KLF12: variants seen among roughly 807,000 people sequenced by gnomAD.
KLF12 encodes KLF transcription factor 12.
A neutral mutation model predicts 37.8 loss-of-function variants in KLF12; 9 were observed. That is an observed-to-expected ratio of 0.24 (90% confidence interval 0.14 to 0.42). The LOEUF (loss-of-function observed/expected upper bound fraction) is 0.42, where lower values mean the gene tolerates loss of function less well. KLF12 is among the 10% of genes least tolerant of loss of function. The pLI is 1.00. For synonymous variants in KLF12, 208 were observed against 202.1 expected, an observed-to-expected ratio of 1.03 and a Z score of -0.25; for missense variants, 411 against 516.0, an observed-to-expected ratio of 0.80 and a Z score of 1.97.
chr13:73,755,986 CT>C (rs1424878390), intron 6 of KLF12, among the ~76,000 whole-genome samples: 1 of 152,068 alleles, frequency 6.6e-6, no homozygotes, highest in African/African-American at 2.4e-5. Context: ...ACCACATTTT[CT>C]TTATCCGCTT....
chr13:73,884,398 G>A (rs1448651236), intron 3 of KLF12, among the ~76,000 whole-genome samples: 1 of 152,156 alleles, frequency 6.6e-6, no homozygotes, highest in East Asian at 1.9e-4. Flanking sequence ...TCTCCCATAG[G>A]TGTCACTACA....
At chr13:74,250,102 A>G in the KLF12 span, among the ~76,000 whole-genome samples, 2 of 152,174 alleles carry the variant, frequency 1.3e-5, no homozygotes, top group Non-Finnish European at 2.9e-5. Context: ...TCAAGACACA[A>G]CAAAAGGGCC....
In KLF12 at chr13:73,997,639, G is replaced by T. The variant is rs1408674; in HGVS notation, c.-31-2586C>A. ...AACAGTTAATAGCTCATCAATTTCCGAATTAAATTTACTTAGCTCTGCCAA... is the reference window on the plus strand; with the variant it reads ...AACAGTTAATAGCTCATCAATTTCCTAATTAAATTTACTTAGCTCTGCCAA... On this transcript the variant is annotated intron_variant, in intron 1 of 7. Transcript: ENST00000377669. Among the ~76,000 whole-genome samples, 9 of 152,064 alleles carry T rather than the reference G, an allele frequency of 5.9e-5. 1 individual carries two copies. In the Middle Eastern group the frequency reaches 0.014, roughly 230 times the overall value.
intron 6 of KLF12, among the ~76,000 whole-genome samples, chr13:73,725,833 GTATTTATTTATTTATTTATT>G (rs71919762): frequency 5.2e-4 from 74 of 142,252 alleles, no homozygotes; most frequent in South Asian, 9.3e-4. Context: ...ATTTCAAAAT[GTATTTATTTATTTATTTATT>G]TATTTATTTA....
At chr13:73,968,469 C>T (rs1195167794) in intron 2 of KLF12, among the ~76,000 whole-genome samples, 1 of 152,044 alleles carries the variant, frequency 6.6e-6, no homozygotes, top group Non-Finnish European at 1.5e-5. Flanking sequence ...ACCTAATATT[C>T]TCAAGGCAAA....
At chr13:74,229,437 C>T in the KLF12 span, among the ~76,000 whole-genome samples, 3 of 152,182 alleles carry the variant, frequency 2.0e-5, no homozygotes, top group Admixed American at 2.0e-4. Flanking sequence ...CAATTCTGTA[C>T]TTTCCTCAGC....
intron 3 of KLF12, among the ~76,000 whole-genome samples, chr13:73,919,996 G>A (rs1889038366): frequency 2.0e-5 from 3 of 152,262 alleles, no homozygotes; most frequent in Admixed American, 2.0e-4. Context: ...TCCACTGAGA[G>A]AATTTGCTGT....
At chr13:74,041,236 C>T (rs1893394339) in intron 1 of KLF12, among the ~76,000 whole-genome samples, 1 of 152,142 alleles carries the variant, frequency 6.6e-6, no homozygotes, top group Admixed American at 6.5e-5. Context: ...AAAGCATGCC[C>T]ATATTATCTA....
Position 73,687,219 on chromosome 13 carries a change from A to G in KLF12, c.*8271T>C, listed in dbSNP as rs1484653471. The stretch of plus-strand genomic sequence containing the variant: ...ATTATGATGCAGGATGACATAATAC[A>G]TAAGACGATGTTTTCAAGCTGGTTT... On this transcript the variant is annotated 3_prime_UTR_variant, in exon 8 of 8. Transcript: ENST00000377669. 1 of 152,670 alleles carries G rather than the reference A, an allele frequency of 6.6e-6. No individual in the cohort carries two copies. The highest frequency in any genetic ancestry group is 1.5e-5 in the Non-Finnish European group (1 of 68,038). The allele number at this position is 152,670 out of a possible 1,614,324, so 9.5% of individuals were successfully genotyped here. A position where few individuals can be genotyped will look rare whatever the true frequency, so the allele number is the denominator to read the frequency against.
intron 4 of KLF12, among the ~76,000 whole-genome samples, chr13:73,816,689 T>C (rs1451844032): frequency 6.6e-6 from 1 of 152,248 alleles, no homozygotes; most frequent in Non-Finnish European, 1.5e-5. Context: ...TGGGCTTGGC[T>C]CTAAGACTTG....
the KLF12 span, among the ~76,000 whole-genome samples, chr13:74,232,890 T>C: frequency 7.1e-6 from 1 of 140,840 alleles, no homozygotes; most frequent in East Asian, 2.0e-4. Context: ...TATTTATTAT[T>C]ATTATTATTT....
intron 2 of KLF12, among the ~76,000 whole-genome samples, chr13:73,944,849 CAGGA>C (rs1312573928): frequency 6.6e-6 from 1 of 152,116 alleles, no homozygotes; most frequent in African/African-American, 2.4e-5. Flanking sequence ...GTCAGCAACC[CAGGA>C]AGGGAGTCAG....
intron 3 of KLF12, among the ~76,000 whole-genome samples, chr13:73,866,930 A>G (rs1428653169): frequency 6.6e-6 from 1 of 152,110 alleles, no homozygotes; most frequent in African/African-American, 2.4e-5. Context: ...AGATCTCTGC[A>G]TTGTCTAGAA....
intron 7 of KLF12, among the ~76,000 whole-genome samples, chr13:73,698,742 A>C (rs942671218): frequency 1.3e-5 from 2 of 152,194 alleles, no homozygotes; most frequent in Non-Finnish European, 2.9e-5. Context: ...TGCAACATAT[A>C]ATGTATGGCC....
chr13:74,106,971 T>C (rs1365676125), intron 1 of KLF12, among the ~76,000 whole-genome samples: 1 of 152,082 alleles, frequency 6.6e-6, no homozygotes, highest in Non-Finnish European at 1.5e-5. Context: ...CTTAGACTGG[T>C]TAATCTATAA....
intron 7 of KLF12, among the ~76,000 whole-genome samples, chr13:73,704,920 T>C (rs954289158): frequency 6.6e-6 from 1 of 152,198 alleles, no homozygotes; most frequent in Admixed American, 6.5e-5. Flanking sequence ...CTTTTAAAAA[T>C]AGAACATAGG....
chr13:73,868,000 A>G (rs12021132), intron 3 of KLF12, among the ~76,000 whole-genome samples: 56,232 of 149,650 alleles, frequency 0.38, 11,803 homozygotes, highest in East Asian at 0.67. Flanking sequence ...CAGCCTGGGC[A>G]ACAAACAAGA....
chr13:73,978,650 GTAATCT>G (rs1891608735), intron 2 of KLF12, among the ~76,000 whole-genome samples: 1 of 152,116 alleles, frequency 6.6e-6, no homozygotes, highest in African/African-American at 2.4e-5. Flanking sequence ...TAATGATCTA[GTAATCT>G]TACTCTTTGG....
chr13:73,885,649 G>C (rs550921276), intron 3 of KLF12, among the ~76,000 whole-genome samples: 1 of 152,278 alleles, frequency 6.6e-6, no homozygotes, highest in South Asian at 2.1e-4. Flanking sequence ...TGATATCTAG[G>C]AAAAGAGAAT....
Sources: gnomAD v4.1 joint callset for allele counts (sites outside exome capture counted in the v4.1 genomes callset) on GRCh38, gnomAD v4.1.1 for gene constraint, MANE v1.5 for transcripts, NCBI Gene and HGNC (gene_info 2026-07-23, HGNC 2026-07-21) for gene names.